ERBIN: variants seen among roughly 807,000 people sequenced by gnomAD.
ERBIN encodes the protein erbb2 interacting protein.
Under a neutral mutation model 158.4 loss-of-function variants are expected in ERBIN, and 60 were observed. The ratio of observed to expected loss-of-function variants is 0.38; its 90% confidence interval spans 0.31 to 0.47. The LOEUF (loss-of-function observed/expected upper bound fraction) is 0.47, where lower values mean the gene tolerates loss of function less well. Among genes scored for constraint, ERBIN ranks in the 20% least tolerant of loss-of-function variants. ERBIN has a pLI of 0.99. For missense variants in ERBIN, 1,610 were observed against 1,648.0 expected (o/e 0.98, Z 0.40); for synonymous variants, 594 against 557.2 (o/e 1.07, Z -0.93).
At chr5:66,043,505 A>T (rs1758120641) in intron 16 of ERBIN, among the ~76,000 whole-genome samples, 1 of 152,166 alleles carries the variant, frequency 6.6e-6, no homozygotes, top group African/African-American at 2.4e-5. Flanking sequence ...ACTTCAGTTT[A>T]GCTGACTCTC....
At chr5:65,927,148 A>G (rs1580025457) in intron 1 of ERBIN, among the ~76,000 whole-genome samples, 1 of 152,144 alleles carries the variant, frequency 6.6e-6, no homozygotes, top group East Asian at 1.9e-4. Context: ...GTGTATATTA[A>G]GTTGCTCAGC....
chr5:66,065,556 C>T (rs545537040), intron 21 of ERBIN, among the ~76,000 whole-genome samples: 9 of 144,912 alleles, frequency 6.2e-5, no homozygotes, highest in East Asian at 4.2e-4. Context: ...CTGTACATTC[C>T]GAGTGATTTC....
intron 21 of ERBIN, among the ~76,000 whole-genome samples, chr5:66,061,811 T>G (rs1760399589): frequency 6.6e-6 from 1 of 152,202 alleles, no homozygotes; most frequent in South Asian, 2.1e-4. Context: ...GAAGCTTAGT[T>G]TGGCTGGATA....
intron 14 of ERBIN, among the ~76,000 whole-genome samples, chr5:66,031,759 G>T (rs1361148099): frequency 6.6e-6 from 1 of 152,178 alleles, no homozygotes; most frequent in Admixed American, 6.5e-5. Context: ...TTGAGCCCAG[G>T]AGTTCTAGGT....
chr5:66,000,675 C>G (rs1342265734), intron 4 of ERBIN, among the ~76,000 whole-genome samples: 1 of 152,152 alleles, frequency 6.6e-6, no homozygotes, highest in Non-Finnish European at 1.5e-5. Flanking sequence ...TGATTCCTCA[C>G]ATAGAAGGGA....
At chr5:66,076,515 A>G (rs1427509828) in intron 24 of ERBIN, 107 bp downstream of exon 24, 6 of 868,594 alleles carry the variant, frequency 6.9e-6, no homozygotes, top group South Asian at 1.5e-5. Flanking sequence ...ATCTAGGTAG[A>G]CATCACCTGG....
intron 21 of ERBIN, among the ~76,000 whole-genome samples, chr5:66,067,967 G>A (rs935614155): frequency 8.6e-5 from 13 of 151,992 alleles, no homozygotes; most frequent in African/African-American, 3.1e-4. Flanking sequence ...AAATTAAAAA[G>A]GGTATATCAT....
chr5:65,985,213 C>T (rs1751090838), intron 1 of ERBIN, among the ~76,000 whole-genome samples: 1 of 152,176 alleles, frequency 6.6e-6, no homozygotes, highest in Non-Finnish European at 1.5e-5. Flanking sequence ...CTCGCCTCAG[C>T]CTCTTGAGTA....
intron 1 of ERBIN, among the ~76,000 whole-genome samples, chr5:65,980,184 G>A (rs1750496762): frequency 6.6e-6 from 1 of 152,214 alleles, no homozygotes; most frequent in Non-Finnish European, 1.5e-5. Flanking sequence ...GGGAGGCCAA[G>A]GCAGGGGGAT....
intron 1 of ERBIN, among the ~76,000 whole-genome samples, chr5:65,934,045 C>T (rs1283058447): frequency 1.3e-5 from 2 of 152,026 alleles, no homozygotes; most frequent in East Asian, 1.9e-4. Flanking sequence ...TATAGACGCC[C>T]GCCACCACGC....
chr5:66,059,824 A>C (rs1003148593), intron 21 of ERBIN, among the ~76,000 whole-genome samples: 2 of 152,186 alleles, frequency 1.3e-5, no homozygotes, highest in African/African-American at 4.8e-5. Context: ...GGTTCTGTTT[A>C]TATGCTGGAT....
chr5:65,956,372 ATTTTTTTT>A (rs1200098319), intron 1 of ERBIN, among the ~76,000 whole-genome samples: 1 of 121,612 alleles, frequency 8.2e-6, no homozygotes, highest in Non-Finnish European at 1.7e-5. Context: ...CTTTCAGGTG[ATTTTTTTT>A]TTTTTTTTTT....
intron 21 of ERBIN, among the ~76,000 whole-genome samples, chr5:66,056,255 A>T (rs1759562308): frequency 6.6e-6 from 1 of 152,202 alleles, no homozygotes; most frequent in South Asian, 2.1e-4. Flanking sequence ...ATAGACTTTT[A>T]ACAAGAGTTT....
chr5:65,928,615 A>T (rs1057048450), intron 1 of ERBIN, among the ~76,000 whole-genome samples: 3 of 151,938 alleles, frequency 2.0e-5, no homozygotes, highest in African/African-American at 4.8e-5. Flanking sequence ...TTAGTTCTTG[A>T]TTTTTTTTCT....
intron 1 of ERBIN, among the ~76,000 whole-genome samples, chr5:65,978,405 G>A (rs1389894429): frequency 6.6e-6 from 1 of 152,068 alleles, no homozygotes; most frequent in Non-Finnish European, 1.5e-5. Flanking sequence ...AGGCTCTCTT[G>A]TTTCCTAAGT....
At chr5:65,966,867 C>G (rs1380081618) in intron 1 of ERBIN, among the ~76,000 whole-genome samples, 3 of 152,008 alleles carry the variant, frequency 2.0e-5, no homozygotes, top group Admixed American at 2.0e-4. Context: ...ATGATCCTGA[C>G]CCTGTATAGG....
intron 1 of ERBIN, among the ~76,000 whole-genome samples, chr5:65,965,653 G>T (rs773189045): frequency 1.2e-4 from 19 of 152,076 alleles, no homozygotes; most frequent in South Asian, 2.1e-4. Context: ...TCGGCCTCCC[G>T]AAGTGCTGGG....
At chr5:66,061,192 A>G (rs1580505581) in intron 21 of ERBIN, among the ~76,000 whole-genome samples, 1 of 152,168 alleles carries the variant, frequency 6.6e-6, no homozygotes, top group Non-Finnish European at 1.5e-5. Flanking sequence ...GTCTCTTTGT[A>G]GGTCCCTAAG....
At chr5:66,049,803 G>T (rs1157765870) in intron 19 of ERBIN, among the ~76,000 whole-genome samples, 1 of 151,874 alleles carries the variant, frequency 6.6e-6, no homozygotes, top group African/African-American at 2.4e-5. Context: ...AAAATTTGTA[G>T]CACTACTTTA....
Sources: allele counts gnomAD v4.1 joint callset (sites outside exome capture counted in the v4.1 genomes callset), GRCh38; gene constraint gnomAD v4.1.1; transcripts MANE v1.5; gene names NCBI Gene and HGNC (gene_info 2026-07-23, HGNC 2026-07-21).